The following FGD6 variants were observed in gnomAD, a reference collection of about 807,000 sequenced individuals.
The protein encoded by FGD6 is FYVE, RhoGEF and PH domain containing 6.
Under a neutral mutation model 149.4 loss-of-function variants are expected in FGD6, and 90 were observed. The observed-to-expected ratio is 0.60, with a 90% CI of 0.51 to 0.72. FGD6 has a LOEUF of 0.72. FGD6 is among the 30% of genes least tolerant of loss of function. The probability of loss-of-function intolerance (pLI) is 0.00; values close to 1 mark genes in which losing one functional copy is unlikely to be tolerated. For synonymous variants in FGD6, 527 were observed against 584.0 expected (o/e 0.90, Z 1.41); for missense variants, 1,437 against 1,684.8 (o/e 0.85, Z 2.57).
intron 2 of FGD6, among the ~76,000 whole-genome samples, chr12:95,195,010 C>T (rs1369996067): frequency 2.0e-5 from 3 of 152,076 alleles, no homozygotes; most frequent in African/African-American, 4.8e-5. Context: ...TTCCAAATGC[C>T]GAGAGCAGCC....
intron 9 of FGD6, among the ~76,000 whole-genome samples, chr12:95,110,521 A>G (rs1456946436): frequency 6.6e-6 from 1 of 151,660 alleles, no homozygotes; most frequent in African/African-American, 2.4e-5. Context: ...ATGCCCAGCT[A>G]ATTTTTGTAT....
At position 95,079,263 on chromosome 12, in the gene FGD6, C is replaced by T. The variant is rs140472688; in HGVS notation, c.*2257G>A. On this transcript the variant is annotated 3_prime_UTR_variant, in exon 21 of 21. Transcript: ENST00000343958. The stretch of plus-strand genomic sequence containing the variant: ...CACAAAGACTACACATTTTTCTAAA[C>T]CCTCCATGGGGCTAAGCCAATAGGT... The T allele has an allele frequency of 2.0e-5, 3 of 152,134 alleles. No individual in the cohort carries two copies. Among genetic ancestry groups the T allele is most frequent in the African/African-American group, 7.2e-5 (3 of 41,416 alleles). The allele number at this position is 152,134 out of a possible 1,614,324, so 9.4% of individuals were successfully genotyped here. A position where few individuals can be genotyped will look rare whatever the true frequency, so the allele number is the denominator to read the frequency against.
intron 2 of FGD6, among the ~76,000 whole-genome samples, chr12:95,196,259 G>T (rs1281112691): frequency 6.6e-6 from 1 of 152,228 alleles, no homozygotes; most frequent in African/African-American, 2.4e-5. Context: ...GTAACAGCAG[G>T]TTGTGCATAG....
intron 8 of FGD6, among the ~76,000 whole-genome samples, chr12:95,123,859 G>A (rs990247692): frequency 6.6e-6 from 1 of 151,566 alleles, no homozygotes; most frequent in Non-Finnish European, 1.5e-5. Context: ...ACCACGCCCG[G>A]CCAATATACA....
intron 17 of FGD6, among the ~76,000 whole-genome samples, chr12:95,089,979 A>G (rs1482620644): frequency 6.6e-6 from 1 of 152,128 alleles, no homozygotes; most frequent in Non-Finnish European, 1.5e-5. Context: ...AAAAAAATCC[A>G]AAAAACCTTC....
chr12:95,174,529 C>G (rs546328476), intron 2 of FGD6, among the ~76,000 whole-genome samples: 7 of 152,194 alleles, frequency 4.6e-5, no homozygotes, highest in Non-Finnish European at 7.3e-5. Context: ...GTGAGAAGCT[C>G]TGCTCTAAAA....
At chr12:95,104,224 A>G (rs1345969279) in intron 14 of FGD6, among the ~76,000 whole-genome samples, 1 of 152,216 alleles carries the variant, frequency 6.6e-6, no homozygotes, top group Non-Finnish European at 1.5e-5. Context: ...AAAGAAGAAC[A>G]AAAAGTCAGT....
At chr12:95,160,916 C>T (rs1006205164) in intron 3 of FGD6, among the ~76,000 whole-genome samples, 1 of 151,922 alleles carries the variant, frequency 6.6e-6, no homozygotes, top group Non-Finnish European at 1.5e-5. Flanking sequence ...GGCATGGTGG[C>T]TCATGCCTGT....
Position 95,160,083 on chromosome 12 carries a change from G to A in FGD6, c.2587-7090C>T, listed in dbSNP as rs147536245. 4.0e-5 allele frequency among the ~76,000 whole-genome samples: 6 copies of A among 151,026 alleles called. No individual in the cohort carries two copies. In the South Asian group the frequency reaches 6.3e-4, roughly 16 times the overall value. On this transcript the variant is annotated intron_variant, in intron 3 of 20. Transcript: ENST00000343958. ...AAAAAGGCTGTGTGCGGTGGCTCAC[G>A]CTTGTAACCCTAGCAATTTGGGAGG...
At chr12:95,137,241 A>G (rs1778100027) in intron 7 of FGD6, among the ~76,000 whole-genome samples, 1 of 152,106 alleles carries the variant, frequency 6.6e-6, no homozygotes, top group African/African-American at 2.4e-5. Flanking sequence ...CTACGTGCGA[A>G]TGTACTCCAG....
At chr12:95,192,147 A>G (rs1881607667) in intron 2 of FGD6, among the ~76,000 whole-genome samples, 1 of 152,234 alleles carries the variant, frequency 6.6e-6, no homozygotes, top group Admixed American at 6.5e-5. Context: ...AAAAGTCTGT[A>G]CATGTTCAAT....
At chr12:95,100,275 G>A (rs1430212145) in intron 14 of FGD6, among the ~76,000 whole-genome samples, 1 of 152,208 alleles carries the variant, frequency 6.6e-6, no homozygotes, top group Non-Finnish European at 1.5e-5. Flanking sequence ...GTGATGCCCA[G>A]TAAACATTTG....
chr12:95,201,813 A>G (rs1694787979), intron 2 of FGD6, among the ~76,000 whole-genome samples: 2 of 152,328 alleles, frequency 1.3e-5, no homozygotes, highest in Middle Eastern at 3.4e-3. Flanking sequence ...TAAGATTTTT[A>G]GATCTTTATT....
chr12:95,132,683 C>T (rs892434911), intron 8 of FGD6, among the ~76,000 whole-genome samples: 2 of 151,996 alleles, frequency 1.3e-5, no homozygotes, highest in Admixed American at 1.3e-4. Flanking sequence ...ATCCAGGAGG[C>T]GGAGTTTGCA....
chr12:95,216,923 G>C (rs2056814821), intron 1 of FGD6, among the ~76,000 whole-genome samples: 1 of 152,188 alleles, frequency 6.6e-6, no homozygotes. Flanking sequence ...CGAAGTCCTC[G>C]CACTGCTGGA....
intron 3 of FGD6, among the ~76,000 whole-genome samples, chr12:95,166,556 T>C (rs1370938233): frequency 6.6e-6 from 1 of 151,802 alleles, no homozygotes; most frequent in Non-Finnish European, 1.5e-5. Flanking sequence ...AAAAAAAAAT[T>C]AGCCGGGCAT....
intron 9 of FGD6, among the ~76,000 whole-genome samples, chr12:95,109,280 T>C (rs1338657132): frequency 6.6e-6 from 1 of 152,222 alleles, no homozygotes; most frequent in Non-Finnish European, 1.5e-5. Context: ...GCTTTGGGGC[T>C]GCAGTTATTC....
At chr12:95,194,108 A>G (rs1881673660) in intron 2 of FGD6, among the ~76,000 whole-genome samples, 1 of 151,812 alleles carries the variant, frequency 6.6e-6, no homozygotes, top group Admixed American at 6.6e-5. Flanking sequence ...AATTTTTTGT[A>G]GAGATGGAGT....
chr12:95,091,000 G>T (rs375286265), intron 17 of FGD6, among the ~76,000 whole-genome samples: 8 of 152,180 alleles, frequency 5.3e-5, no homozygotes, highest in African/African-American at 1.9e-4. Flanking sequence ...TACTCAGGAG[G>T]CTGAGGTACG....
Sources: allele counts gnomAD v4.1 joint callset (sites outside exome capture counted in the v4.1 genomes callset), GRCh38; gene constraint gnomAD v4.1.1; transcripts MANE v1.5; gene names NCBI Gene and HGNC (gene_info 2026-07-23, HGNC 2026-07-21).